STIM1: variants seen among roughly 807,000 people sequenced by gnomAD.
STIM1 encodes the protein stromal interaction molecule 1.
STIM1 carries 25 observed loss-of-function variants against 74.7 expected under a neutral mutation model. The ratio of observed to expected loss-of-function variants is 0.33; its 90% CI spans 0.24 to 0.47. The LOEUF is 0.47. STIM1 is among the 20% of genes least tolerant of loss of function. The probability of loss-of-function intolerance (pLI) is 1.00; values close to 1 mark genes in which losing one functional copy is unlikely to be tolerated. For missense variants in STIM1, 728 were observed against 920.8 expected (o/e 0.79, Z 2.71); for synonymous variants, 328 against 348.8 (o/e 0.94, Z 0.66).
At chr11:4,056,478 C>T (rs1010442595) in intron 4 of STIM1, among the ~76,000 whole-genome samples, 1 of 152,256 alleles carries the variant, frequency 6.6e-6, no homozygotes. Context: ...AAGATGACAA[C>T]AAGCTGTCCT....
intron 3 of STIM1, chr11:4,049,426 G>C (rs1299400822): frequency 1.3e-5 from 2 of 150,794 alleles, no homozygotes; most frequent in African/African-American, 2.4e-5. Context: ...CGAGGCTCAA[G>C]CCATCCTCCC....
At chr11:3,932,045 T>C (rs2092868966) in intron 1 of STIM1, among the ~76,000 whole-genome samples, 1 of 152,124 alleles carries the variant, frequency 6.6e-6, no homozygotes, top group South Asian at 2.1e-4. Context: ...GCTCCTGGGC[T>C]GTGTGGTTTT....
intron 1 of STIM1, among the ~76,000 whole-genome samples, chr11:3,962,148 C>T (rs1184562151): frequency 6.6e-6 from 1 of 152,068 alleles, no homozygotes; most frequent in Non-Finnish European, 1.5e-5. Flanking sequence ...ATTGGTGAAG[C>T]CTGGGCTTTT....
intron 6 of STIM1, 123 bp from the exon 7 acceptor site, chr11:4,074,379 G>A: frequency 8.5e-7 from 1 of 1,182,826 alleles, no homozygotes; most frequent in South Asian, 1.3e-5. Flanking sequence ...ACACACAGCA[G>A]AGCAGGGAGA....
At chr11:3,896,149 C>T (rs984187831) in intron 1 of STIM1, among the ~76,000 whole-genome samples, 1 of 152,030 alleles carries the variant, frequency 6.6e-6, no homozygotes, top group South Asian at 2.1e-4. Flanking sequence ...CGTGATCCGC[C>T]CACCTCGGCC....
At chr11:4,030,945 A>G (rs1011879901) in intron 3 of STIM1, among the ~76,000 whole-genome samples, 1 of 152,144 alleles carries the variant, frequency 6.6e-6, no homozygotes, top group Non-Finnish European at 1.5e-5. Context: ...AAATCTCTAA[A>G]GTTTACTATT....
chr11:3,886,793 G>A (rs1008540577), intron 1 of STIM1, among the ~76,000 whole-genome samples: 1 of 151,624 alleles, frequency 6.6e-6, no homozygotes, highest in African/African-American at 2.4e-5. Flanking sequence ...TACGAGGTCA[G>A]GAGATCGAGA....
At chr11:3,959,611 G>T (rs1038905854) in intron 1 of STIM1, among the ~76,000 whole-genome samples, 1 of 152,156 alleles carries the variant, frequency 6.6e-6, no homozygotes, top group Non-Finnish European at 1.5e-5. Flanking sequence ...ACAGAGCTAT[G>T]CACAAAGTGC....
At chr11:3,969,998 C>A (rs1222068545) in intron 2 of STIM1, among the ~76,000 whole-genome samples, 1 of 151,762 alleles carries the variant, frequency 6.6e-6, no homozygotes, top group East Asian at 1.9e-4. Context: ...GGCCAGAAAA[C>A]TGGGGAATGG....
chr11:4,083,141 T>G, intron 9 of STIM1, 122 bp from the exon 10 acceptor site: 7 of 1,244,442 alleles, frequency 5.6e-6, no homozygotes, highest in Non-Finnish European at 8.2e-6. Context: ...GCTCTTAAGT[T>G]TGAGTTTATT....
chr11:3,995,378 C>T (rs994823448), intron 2 of STIM1, among the ~76,000 whole-genome samples: 1 of 152,072 alleles, frequency 6.6e-6, no homozygotes, highest in Non-Finnish European at 1.5e-5. Context: ...GGTTGATCCC[C>T]CTCCTCCCAC....
intron 1 of STIM1, among the ~76,000 whole-genome samples, chr11:3,906,322 T>A (rs1233594872): frequency 1.3e-5 from 2 of 152,232 alleles, no homozygotes; most frequent in African/African-American, 4.8e-5. Flanking sequence ...CTAGGTTACC[T>A]CAGGCGAGTC....
chr11:4,069,211 G>A (rs2094387831), intron 5 of STIM1, among the ~76,000 whole-genome samples: 1 of 152,130 alleles, frequency 6.6e-6, no homozygotes, highest in African/African-American at 2.4e-5. Context: ...CTCCTGATTG[G>A]CTAAGTTTTT....
chr11:3,971,231 G>GA (rs771888539), intron 2 of STIM1, among the ~76,000 whole-genome samples: 8,681 of 113,498 alleles, frequency 0.076, 485 homozygotes, highest in African/African-American at 0.18. Flanking sequence ...AAACAAGTAT[G>GA]AAAAAAAAAA....
Position 3,855,939 on chromosome 11 carries a change from C to T in STIM1, c.-332C>T, listed in dbSNP as rs2090348738. On this transcript the variant is annotated 5_prime_UTR_variant, in exon 1 of 13. Coordinates refer to ENST00000526596, the MANE Select transcript of STIM1 (RefSeq NM_001382567.1). ...CTTCTGTGCCCGCGGAGACTCCGGC[C>T]GCCCCCTTCCGCAGGGGTGTAGTAA... 1 of 352,746 alleles carries T rather than the reference C, an allele frequency of 2.8e-6. No homozygotes were observed. The allele number at this position is 352,746 out of a possible 1,614,324, so 21.9% of individuals were successfully genotyped here. A position where few individuals can be genotyped will look rare whatever the true frequency, so the allele number is the denominator to read the frequency against.
At chr11:4,013,585 G>A (rs1380872749) in intron 2 of STIM1, among the ~76,000 whole-genome samples, 1 of 150,902 alleles carries the variant, frequency 6.6e-6, no homozygotes, top group African/African-American at 2.4e-5. Flanking sequence ...GTATTCCTGT[G>A]GGATCGGTGG....
At chr11:3,994,038 T>G (rs1383861322) in intron 2 of STIM1, among the ~76,000 whole-genome samples, 1 of 152,240 alleles carries the variant, frequency 6.6e-6, no homozygotes. Context: ...TCCTTTAGTA[T>G]TTTTTTGTAA....
intron 1 of STIM1, among the ~76,000 whole-genome samples, chr11:3,890,313 T>C (rs978920858): frequency 6.6e-6 from 1 of 152,200 alleles, no homozygotes; most frequent in Non-Finnish European, 1.5e-5. Context: ...TCTGTGATCA[T>C]CCTCTTTTGG....
At position 4,083,422 on chromosome 11, in the gene STIM1, C is replaced by T. The variant is rs774653551; in HGVS notation, c.1398C>T (p.Pro466=). 1 of 1,614,140 alleles carries T rather than the reference C, an allele frequency of 6.2e-7. No individual in the cohort carries two copies. Among genetic ancestry groups the T allele is most frequent in the African/African-American group, 1.3e-5 (1 of 74,948 alleles). Residue 466 remains proline (P), a synonymous_variant, in exon 10 of 13, where the codon CCC becomes CCT. Transcript: ENST00000526596. ...CCAGCTGGATGGGCAGTACACGCCC[C>T]AACCCTGCTCACTTCATCATGACTG... ...IDPSWMGSTR[P]NPAHFIMTDD...
Sources: gnomAD v4.1 joint callset for allele counts (sites outside exome capture counted in the v4.1 genomes callset) on GRCh38, gnomAD v4.1.1 for gene constraint, MANE v1.5 for transcripts, NCBI Gene and HGNC (gene_info 2026-07-23, HGNC 2026-07-21) for gene names.